FCGR3A: variants seen among roughly 807,000 people sequenced by gnomAD.
FCGR3A encodes low affinity immunoglobulin gamma Fc region receptor III-A.
A neutral mutation model predicts 24.1 loss-of-function variants in FCGR3A; 13 were observed. That is an observed-to-expected ratio of 0.54 (90% CI 0.35 to 0.86). FCGR3A has a LOEUF of 0.86. Among genes scored for constraint, FCGR3A ranks in the 40% least tolerant of loss-of-function variants. The pLI is 0.01. For missense variants in FCGR3A, 235 were observed against 298.0 expected (o/e 0.79, Z 1.56); for synonymous variants, 93 against 112.2 (o/e 0.83, Z 1.08).
intron 3 of FCGR3A, among the ~76,000 whole-genome samples, chr1:161,547,533 T>C (rs1327512262): frequency 1.3e-5 from 2 of 152,208 alleles, no homozygotes; most frequent in African/African-American, 2.4e-5. Flanking sequence ...ATTCTGTTAA[T>C]AGTACACAAG....
upstream of FCGR3A, chr1:161,549,938 A>G: frequency 6.8e-7 from 1 of 1,462,344 alleles, no homozygotes; most frequent in Non-Finnish European, 9.3e-7. Context: ...CAGGACCAGG[A>G]AGGAAAGAGC....
At position 161,543,003 on chromosome 1, in the gene FCGR3A, G is replaced by C. The variant is rs2102517199; in HGVS notation, c.*9C>G. 5.0e-6 allele frequency: 8 copies of C among 1,592,516 alleles called. No homozygotes were observed. Among genetic ancestry groups the C allele is most frequent in the Non-Finnish European group, 6.9e-6 (8 of 1,163,116 alleles). ...TGCTACTGCTCTTATTACCCCCATGGGATGGGGGTCATTTGTCTTGAGGGT... is the reference window on the plus strand; with the variant it reads ...TGCTACTGCTCTTATTACCCCCATGCGATGGGGGTCATTTGTCTTGAGGGT... On this transcript the variant is annotated 3_prime_UTR_variant, in exon 5 of 5. Transcript: ENST00000443193.
intron 3 of FCGR3A, among the ~76,000 whole-genome samples, chr1:161,547,277 A>T (rs541279221): frequency 1.3e-5 from 2 of 152,314 alleles, no homozygotes; most frequent in South Asian, 4.1e-4. Flanking sequence ...TCAGAGGCCA[A>T]AGAGCCACAA....
rs1371839362 is a variant in FCGR3A, at chr1:161,549,039, A to G, written c.41-8T>C. 6.3e-7 allele frequency: 1 copy of G among 1,587,830 alleles called. No homozygotes were observed. The highest frequency in any genetic ancestry group is 8.6e-7 in the Non-Finnish European group (1 of 1,159,078). On this transcript the variant is annotated splice_polypyrimidine_tract_variant and splice_region_variant and intron_variant, in intron 1 of 4. Coordinates refer to ENST00000443193, the MANE Select transcript of FCGR3A (RefSeq NM_000569.8). ...TCCGCATGCCAGCTGAAACTGCAAG[A>G]AAAAAGATAAATCAAATATTGAGTA...
intron 3 of FCGR3A, 35 bp downstream of exon 3, chr1:161,548,386 A>T (rs1677543840): frequency 6.2e-7 from 1 of 1,613,250 alleles, no homozygotes; most frequent in South Asian, 1.1e-5. Flanking sequence ...TTCACCCTTT[A>T]TTGGTGATTT....
In FCGR3A at chr1:161,541,999, T is replaced by C. The variant is rs1677135127; in HGVS notation, c.*1013A>G. ...TAACTCAGCGAAGCTCAGTAGTACA[T>C]TTAGTATTGGTTATACAACATTTGT... On this transcript the variant is annotated 3_prime_UTR_variant, in exon 5 of 5. Transcript: ENST00000443193. The C allele has an allele frequency of 6.6e-6, 1 of 152,254 alleles. No homozygotes were observed. The highest frequency in any genetic ancestry group is 1.9e-4 in the East Asian group (1 of 5,334). The allele number at this position is 152,254 out of a possible 1,614,324, so 9.4% of individuals were successfully genotyped here.
chr1:161,550,199 C>G (rs1404118303), upstream of FCGR3A: 1 of 464,320 alleles, frequency 2.2e-6, no homozygotes, highest in African/African-American at 2.0e-5. Flanking sequence ...TCTCCTGCCT[C>G]GCCCAGACCC....
rs776443286 is a variant in FCGR3A at position 161,544,971 on chromosome 1, G to A, written c.320-13C>T. ...AGCAACAGCCAGCCTGAAAGACACA[G>A]ACACCCCAGGCCCGGGAGGCCTCAG... On this transcript the variant is annotated splice_polypyrimidine_tract_variant and intron_variant, in intron 3 of 4. Coordinates refer to ENST00000443193, the MANE Select transcript of FCGR3A (RefSeq NM_000569.8). 1.3e-6 allele frequency: 2 copies of A among 1,596,368 alleles called. No individual in the cohort carries two copies. Among genetic ancestry groups the A allele is most frequent in the South Asian group, 2.2e-5 (2 of 90,562 alleles).
chr1:161,542,944 G>C lies in FCGR3A; in HGVS notation c.*68C>G. 1 of 1,276,502 alleles carries C rather than the reference G, an allele frequency of 7.8e-7. No individual in the cohort carries two copies. The highest frequency in any genetic ancestry group is 1.1e-6 in the Non-Finnish European group (1 of 910,356). 79.1% of individuals were successfully genotyped at this position (1,276,502 alleles called of 1,614,324 possible). On this transcript the variant is annotated 3_prime_UTR_variant, in exon 5 of 5. Coordinates refer to ENST00000443193, the MANE Select transcript of FCGR3A (RefSeq NM_000569.8). ...TGTAGAGAGGCCTGAGGATGATGGG[G>C]TTGCAAATCCAGAGAAATGTTCAGA...
rs955748681 is a variant in FCGR3A at position 161,542,544 on chromosome 1, G to C, written c.*468C>G. 5 of 154,062 alleles carry C rather than the reference G, an allele frequency of 3.2e-5. No homozygotes were observed. Among genetic ancestry groups the C allele is most frequent in the African/African-American group, 1.2e-4 (5 of 41,312 alleles). 9.5% of individuals were successfully genotyped at this position (154,062 alleles called of 1,614,324 possible). A position where few individuals can be genotyped will look rare whatever the true frequency, so the allele number is the denominator to read the frequency against. ...CTATTTCTCAGCCATGCTTTCATTG[G>C]TCCCACTGAATTCCCTAGATCCCCA... On this transcript the variant is annotated 3_prime_UTR_variant, in exon 5 of 5. Coordinates refer to ENST00000443193, the MANE Select transcript of FCGR3A (RefSeq NM_000569.8).
At chr1:161,546,049 C>T (rs1479352953) in intron 3 of FCGR3A, among the ~76,000 whole-genome samples, 1 of 151,912 alleles carries the variant, frequency 6.6e-6, no homozygotes. Flanking sequence ...ACAAAATTTA[C>T]AATAATTTTA....
intron 3 of FCGR3A, chr1:161,545,749 G>C (rs983397332): frequency 3.3e-5 from 5 of 151,968 alleles, no homozygotes; most frequent in African/African-American, 1.2e-4. Flanking sequence ...CACAAAGAGA[G>C]AACATGAGGT....
rs1677215094 is a variant in FCGR3A, at chr1:161,543,210, A to T, written c.578-11T>A. On this transcript the variant is annotated splice_polypyrimidine_tract_variant and intron_variant, in intron 4 of 4. Transcript: ENST00000443193. ...TTGACACTGCCAAACCTATTAGGAG[A>T]AGTGGAGAGATGAAAAAAAATGACA... is the stretch of plus-strand genomic sequence containing the variant. 1 of 1,608,578 alleles carries T rather than the reference A, an allele frequency of 6.2e-7. No individual in the cohort carries two copies. Among genetic ancestry groups the T allele is most frequent in the South Asian group, 1.1e-5 (1 of 90,618 alleles).
chr1:161,542,994 A>T lies in FCGR3A; in HGVS notation c.*18T>A. On this transcript the variant is annotated 3_prime_UTR_variant, in exon 5 of 5. Transcript: ENST00000443193. ...AGATGCTGCTGCTACTGCTCTTATT[A>T]CCCCCATGGGATGGGGGTCATTTGT... 6.3e-7 allele frequency: 1 copy of T among 1,590,574 alleles called. No homozygotes were observed. The highest frequency in any genetic ancestry group is 8.6e-7 in the Non-Finnish European group (1 of 1,165,744).
Position 161,544,906 on chromosome 1 carries a change from A to G in FCGR3A, c.372T>C (p.Ile124=), listed in dbSNP as rs574973254. ...TCTTCCAGCTGTGACACCTCAGGTG[A>G]ATAGGGTCTTCCTCCTTGAACACCC... ...PRWVFKEEDP[I]HLRCHSWKNT... is the part of the protein sequence containing the mutation. The change falls in exon 4 of 5, where the codon ATT becomes ATC. Residue 124 remains isoleucine, a synonymous_variant. Coordinates refer to ENST00000443193, the MANE Select transcript of FCGR3A (RefSeq NM_000569.8). The G allele has an allele frequency of 1.5e-4, 235 of 1,613,310 alleles. 5 individuals are homozygous for G. In the East Asian group the frequency reaches 4.4e-3, roughly 30 times the overall value.
At chr1:161,545,023 G>A in intron 3 of FCGR3A, 65 bp from the exon 4 acceptor site, 1 of 1,582,618 alleles carries the variant, frequency 6.3e-7, no homozygotes, top group South Asian at 1.1e-5. Flanking sequence ...TTGTGAAGGG[G>A]CCACGTACCA....
At chr1:161,550,212 C>G, upstream of FCGR3A, 1 of 452,982 alleles carries the variant, frequency 2.2e-6, no homozygotes, top group Admixed American at 3.8e-5. Flanking sequence ...CCAGACCCAT[C>G]TATCTCCAGC....
intron 4 of FCGR3A, among the ~76,000 whole-genome samples, chr1:161,544,072 G>A (rs1419607190): frequency 6.6e-6 from 1 of 152,280 alleles, no homozygotes; most frequent in Non-Finnish European, 1.5e-5. Context: ...TACTTCATCT[G>A]TAAAATGGAA....
chr1:161,542,067 G>A lies in FCGR3A; in HGVS notation c.*945C>T, dbSNP rs1677138222. On this transcript the variant is annotated 3_prime_UTR_variant, in exon 5 of 5. Transcript: ENST00000443193. Reference sequence around the variant, plus strand: ...CAAAGCTACACAGGAATTAGATATTGAAGCAGAAAAGGTGGTTTTACAGTC... The same window carrying A: ...CAAAGCTACACAGGAATTAGATATTAAAGCAGAAAAGGTGGTTTTACAGTC... The A allele has an allele frequency of 6.6e-6, 1 of 152,236 alleles. No homozygotes were observed. The highest frequency in any genetic ancestry group is 2.4e-5 in the African/African-American group (1 of 41,404). The allele number at this position is 152,236 out of a possible 1,614,324, so 9.4% of individuals were successfully genotyped here. A position where few individuals can be genotyped will look rare whatever the true frequency, so the allele number is the denominator to read the frequency against.
Sources: gnomAD v4.1 joint callset for allele counts (sites outside exome capture counted in the v4.1 genomes callset) on GRCh38, gnomAD v4.1.1 for gene constraint, MANE v1.5 for transcripts, NCBI Gene and HGNC (gene_info 2026-07-23, HGNC 2026-07-21) for gene names.